PDS5A: variants seen among roughly 807,000 people sequenced by gnomAD.
The protein encoded by PDS5A is sister chromatid cohesion protein PDS5 homolog A.
PDS5A carries 42 observed loss-of-function variants against 167.1 expected under a neutral mutation model. The observed-to-expected ratio is 0.25, with a 90% CI of 0.20 to 0.33. The LOEUF (loss-of-function observed/expected upper bound fraction) is 0.33, where lower values mean the gene tolerates loss of function less well. Among genes scored for constraint, PDS5A ranks in the 10% least tolerant of loss-of-function variants. PDS5A has a pLI of 1.00. For missense variants in PDS5A, 1,033 were observed against 1,605.9 expected, an observed-to-expected ratio of 0.64 and a Z score of 6.10; for synonymous variants, 553 against 554.6, an observed-to-expected ratio of 1.00 and a Z score of 0.04.
Position 39,902,362 on chromosome 4 carries a change from T to C in PDS5A, c.1484A>G (p.Asp495Gly). 1 of 1,519,634 alleles carries C rather than the reference T, an allele frequency of 6.6e-7. No homozygotes were observed. The highest frequency in any genetic ancestry group is 9.1e-7 in the Non-Finnish European group (1 of 1,104,296). The allele number at this position is 1,519,634 out of a possible 1,614,324, so 94.1% of individuals were successfully genotyped here. A position where few individuals can be genotyped will look rare whatever the true frequency, so the allele number is the denominator to read the frequency against. ...KCLYYLYASL[D>G]PNAVKALNEM... ...AGTAACTTACTTTACAGCATTTGGA[T>C]CCAAACTAGCATATAAGTAATATAA... The change falls in exon 13 of 33, where the codon GAT (aspartate) becomes GGT (glycine). Residue 495 changes from aspartate (D) to glycine (G), a missense_variant. Transcript: ENST00000303538.
At chr4:39,909,053 A>G (rs200378698) in intron 10 of PDS5A, among the ~76,000 whole-genome samples, 2 of 118,282 alleles carry the variant, frequency 1.7e-5, no homozygotes, top group East Asian at 6.3e-4. Flanking sequence ...AATAAAATAA[A>G]ATAAAATAAA....
At chr4:39,897,900 TA>T in intron 16 of PDS5A, 1 of 317,818 alleles carries the variant, frequency 3.1e-6, no homozygotes, top group Non-Finnish European at 4.5e-6. Context: ...AATGAATGCA[TA>T]AGTTTTCCCT....
rs149363945 is a variant in PDS5A at position 39,837,900 on chromosome 4, T to C, written c.3966A>G (p.Leu1322=). 6.2e-7 allele frequency: 1 copy of C among 1,613,314 alleles called. No homozygotes were observed. Among genetic ancestry groups the C allele is most frequent in the Non-Finnish European group, 8.5e-7 (1 of 1,179,756 alleles). The part of the protein sequence containing the change: ...GNAKAPKLQD[L]AKKAAPAERQ... The stretch of plus-strand genomic sequence containing the variant: ...TTTCTGCTGGTGCTGCCTTTTTGGC[T>C]AAATCTTGCAGTTTGGGTGCTTTGG... The change falls in exon 32 of 33, where the codon TTA becomes TTG. Residue 1322 remains leucine (L), a synonymous_variant. Coordinates refer to ENST00000303538, the MANE Select transcript of PDS5A (RefSeq NM_001100399.2).
chr4:39,921,583 TAA>T (rs375091298), intron 6 of PDS5A, among the ~76,000 whole-genome samples: 66 of 86,834 alleles, frequency 7.6e-4, no homozygotes, highest in East Asian at 4.5e-3. Context: ...AAAGAAAACT[TAA>T]AAAAAAAAAA....
intron 16 of PDS5A, among the ~76,000 whole-genome samples, chr4:39,891,466 T>C (rs900360271): frequency 6.6e-6 from 1 of 151,392 alleles, no homozygotes; most frequent in African/African-American, 2.4e-5. Context: ...CTGACCAACA[T>C]GGAGAAACCC....
intron 17 of PDS5A, among the ~76,000 whole-genome samples, chr4:39,886,062 T>C (rs1317954054): frequency 6.6e-6 from 1 of 152,178 alleles, no homozygotes; most frequent in Non-Finnish European, 1.5e-5. Flanking sequence ...CTACCACAAT[T>C]TATTGTAGAG....
chr4:39,930,246 A>AAAAAAAAAAAAAATTTTTT, intron 2 of PDS5A, among the ~76,000 whole-genome samples: 13 of 93,160 alleles, frequency 1.4e-4, no homozygotes, highest in South Asian at 8.7e-4. Context: ...AAAAAAAAAA[A>AAAAAAAAAAAAAATTTTTT]GTTTTTTTGT....
chr4:39,938,338 C>T (rs924937718), intron 2 of PDS5A, among the ~76,000 whole-genome samples: 2 of 151,678 alleles, frequency 1.3e-5, no homozygotes, highest in Non-Finnish European at 1.5e-5. Flanking sequence ...GTGGATCACC[C>T]GAGGTCAGGA....
At chr4:39,914,162 GTTTTTTTTTT>G (rs34732453) in intron 8 of PDS5A, among the ~76,000 whole-genome samples, 1 of 64,108 alleles carries the variant, frequency 1.6e-5, no homozygotes, top group Non-Finnish European at 3.8e-5. Flanking sequence ...ATACAAATTT[GTTTTTTTTTT>G]TTTTTTTTTG....
chr4:39,842,384 C>G (rs1717107304), intron 30 of PDS5A, among the ~76,000 whole-genome samples: 1 of 152,036 alleles, frequency 6.6e-6, no homozygotes, highest in Admixed American at 6.6e-5. Context: ...ATAGAAAATC[C>G]TAAAACAAAA....
At chr4:39,882,865 C>T (rs1264426152) in intron 17 of PDS5A, among the ~76,000 whole-genome samples, 1 of 152,068 alleles carries the variant, frequency 6.6e-6, no homozygotes, top group Admixed American at 6.5e-5. Flanking sequence ...ATCTCAAGTG[C>T]CTCTTCAAAA....
intron 2 of PDS5A, among the ~76,000 whole-genome samples, chr4:39,965,119 C>T (rs941515146): frequency 6.6e-6 from 1 of 152,102 alleles, no homozygotes; most frequent in Non-Finnish European, 1.5e-5. Context: ...GTTATGACAA[C>T]AGTACTTTCT....
chr4:39,921,710 C>T (rs777052779), intron 6 of PDS5A, among the ~76,000 whole-genome samples: 1 of 151,772 alleles, frequency 6.6e-6, no homozygotes, highest in Non-Finnish European at 1.5e-5. Flanking sequence ...CAAGATAGTG[C>T]CGCTGCACTC....
intron 2 of PDS5A, among the ~76,000 whole-genome samples, chr4:39,941,196 T>C (rs1433222937): frequency 5.3e-5 from 8 of 149,936 alleles, no homozygotes; most frequent in Non-Finnish European, 1.2e-4. Flanking sequence ...GTGAAGGCAA[T>C]AGATTTAAAA....
In PDS5A at chr4:39,937,376, G is replaced by T. The variant is rs370291087; in HGVS notation, c.139-9212C>A. ...TTAAATATGTCCAAATTATTGTTCA[G>T]TAATTCAATTACACCTCAATACAGC... On this transcript the variant is annotated intron_variant, in intron 2 of 32. Transcript: ENST00000303538. 2.0e-5 allele frequency among the ~76,000 whole-genome samples: 3 copies of T among 152,046 alleles called. No homozygotes were observed. In the South Asian group the frequency reaches 6.2e-4, roughly 32 times the overall value.
At chr4:39,953,097 A>C (rs1728567003) in intron 2 of PDS5A, among the ~76,000 whole-genome samples, 1 of 152,116 alleles carries the variant, frequency 6.6e-6, no homozygotes, top group East Asian at 1.9e-4. Context: ...CCTACTCAAA[A>C]AACATTTTTT....
chr4:39,847,613 T>A (rs980165139), intron 28 of PDS5A: 3 of 152,084 alleles, frequency 2.0e-5, no homozygotes, highest in Non-Finnish European at 2.9e-5. Context: ...AAATTTTTTT[T>A]ATACAGATCA....
At chr4:39,917,894 A>G (rs1724542340) in intron 7 of PDS5A, among the ~76,000 whole-genome samples, 1 of 152,050 alleles carries the variant, frequency 6.6e-6, no homozygotes, top group Admixed American at 6.5e-5. Flanking sequence ...GATTTTTAAA[A>G]AAATCAAAGG....
At chr4:39,831,758 T>C (rs1323863307) in intron 32 of PDS5A, among the ~76,000 whole-genome samples, 1 of 149,064 alleles carries the variant, frequency 6.7e-6, no homozygotes, top group Non-Finnish European at 1.5e-5. Context: ...ATGCCTGTAA[T>C]CCCAGCTACT....
Sources: allele counts gnomAD v4.1 joint callset (sites outside exome capture counted in the v4.1 genomes callset), GRCh38; gene constraint gnomAD v4.1.1; transcripts MANE v1.5; gene names NCBI Gene and HGNC (gene_info 2026-07-23, HGNC 2026-07-21).